The following NECTIN3 variants were observed in gnomAD, a reference collection of about 807,000 sequenced individuals.
The protein encoded by NECTIN3 is nectin cell adhesion molecule 3.
NECTIN3 carries 8 observed loss-of-function variants against 49.4 expected under a neutral mutation model. The ratio of observed to expected loss-of-function variants is 0.16; its 90% CI spans 0.10 to 0.29. The LOEUF (loss-of-function observed/expected upper bound fraction) is 0.29, where lower values mean the gene tolerates loss of function less well. Ranked by LOEUF, NECTIN3 falls within the 10% of genes least tolerant of loss-of-function variation. The pLI is 1.00. For missense variants in NECTIN3, 581 were observed against 654.6 expected, an observed-to-expected ratio of 0.89 and a Z score of 1.23; for synonymous variants, 277 against 241.1, an observed-to-expected ratio of 1.15 and a Z score of -1.38.
At chr3:111,077,163 GA>G (rs1461820428) in intron 1 of NECTIN3, 1 of 427,882 alleles carries the variant, frequency 2.3e-6, no homozygotes, top group African/African-American at 2.0e-5. Context: ...TTTATATTTT[GA>G]ATTTTACTTG....
intron 7 of NECTIN3, among the ~76,000 whole-genome samples, chr3:111,165,534 AAGG>A (rs1405930279): frequency 6.6e-6 from 1 of 152,200 alleles, no homozygotes; most frequent in Non-Finnish European, 1.5e-5. Context: ...AAGGAAATGT[AAGG>A]AGAAGATTGA....
In NECTIN3 at chr3:111,193,386, TC is replaced by T. The variant is rs373765709; in HGVS notation, c.63+974del. ...ACGAGAACATTATGTGTGATTTTTC[TC>T]TTTTTCCAATGGGCGTTCTAACAAA... On this transcript the variant is annotated intron_variant, in intron 1 of 1. Coordinates refer to the NECTIN3 transcript ENST00000485506. 1,023 of 1,530,630 alleles carry T rather than the reference TC, an allele frequency of 6.7e-4. 5 individuals carry two copies. In the African/African-American group the frequency reaches 0.011, roughly 17 times the overall value. The allele number at this position is 1,530,630 out of a possible 1,614,324, so 94.8% of individuals were successfully genotyped here.
chr3:111,113,233 G>A (rs574330001), intron 2 of NECTIN3, among the ~76,000 whole-genome samples: 22 of 152,252 alleles, frequency 1.4e-4, no homozygotes, highest in African/African-American at 5.1e-4. Flanking sequence ...ACAAGATAGT[G>A]GTGTGAAGAG....
chr3:111,135,596 A>G lies in NECTIN3; in HGVS notation c.*1381A>G, dbSNP rs975096114. The G allele has an allele frequency of 5.2e-6, 5 of 968,128 alleles. No individual in the cohort carries two copies. In the African/African-American group the frequency reaches 8.8e-5, roughly 17 times the overall value. 60.0% of individuals were successfully genotyped at this position (968,128 alleles called of 1,614,324 possible). A position where few individuals can be genotyped will look rare whatever the true frequency, so the allele number is the denominator to read the frequency against. ...TGCTAAGTCATTTGAAAAAGTGACCATTTTGCCAGTGAAATGAAGTGGAAG... is the reference window on the plus strand; with the variant it reads ...TGCTAAGTCATTTGAAAAAGTGACCGTTTTGCCAGTGAAATGAAGTGGAAG... On this transcript the variant is annotated 3_prime_UTR_variant, in exon 6 of 6. Coordinates refer to ENST00000485303, the MANE Select transcript of NECTIN3 (RefSeq NM_015480.3).
chr3:111,139,515 C>T (rs2034687114), downstream of NECTIN3, among the ~76,000 whole-genome samples: 1 of 151,760 alleles, frequency 6.6e-6, no homozygotes, highest in Non-Finnish European at 1.5e-5. Flanking sequence ...GGCAAGATTA[C>T]ATCACACATA....
chr3:111,072,007 GA>G lies in NECTIN3; in HGVS notation c.-10del. 6.7e-7 allele frequency: 1 copy of G among 1,486,814 alleles called. No homozygotes were observed. The allele number at this position is 1,486,814 out of a possible 1,614,324, so 92.1% of individuals were successfully genotyped here. The stretch of plus-strand genomic sequence containing the variant: ...GGCGGGCGGGCGAGCGGGCCGGGGG[GA>G]GGGTGGGGGATGGCGCGGACCCTGC... On this transcript the variant is annotated 5_prime_UTR_variant, in exon 1 of 6. Coordinates refer to ENST00000485303, the MANE Select transcript of NECTIN3 (RefSeq NM_015480.3).
chr3:111,131,084 C>A (rs937782670), intron 5 of NECTIN3, among the ~76,000 whole-genome samples: 4 of 151,876 alleles, frequency 2.6e-5, no homozygotes, highest in Admixed American at 6.6e-5. Flanking sequence ...TATTTAAACA[C>A]CTATATGAAG....
At chr3:111,092,059 C>T (rs2032303120) in intron 1 of NECTIN3, among the ~76,000 whole-genome samples, 1 of 152,126 alleles carries the variant, frequency 6.6e-6, no homozygotes, top group Non-Finnish European at 1.5e-5. Context: ...AGCAAATTTT[C>T]ATTTGCTTAT....
chr3:111,087,945 T>G (rs555002906), intron 1 of NECTIN3, among the ~76,000 whole-genome samples: 340 of 152,074 alleles, frequency 2.2e-3, no homozygotes, highest in African/African-American at 7.6e-3. Context: ...CAATCTACCC[T>G]CCTCAGCCTC....
chr3:111,139,101 T>A (rs566003426), downstream of NECTIN3, among the ~76,000 whole-genome samples: 77 of 151,812 alleles, frequency 5.1e-4, no homozygotes, highest in Non-Finnish European at 7.7e-4. Flanking sequence ...CCTACCTACA[T>A]AATCCTTCTT....
intron 1 of NECTIN3, among the ~76,000 whole-genome samples, chr3:111,102,336 C>G (rs1444309018): frequency 6.6e-6 from 1 of 152,192 alleles, no homozygotes. Context: ...ACCTCAGTTG[C>G]AATAGTTCTT....
intron 1 of NECTIN3, among the ~76,000 whole-genome samples, chr3:111,100,800 GA>G (rs1422210810): frequency 6.6e-6 from 1 of 151,968 alleles, no homozygotes; most frequent in East Asian, 1.9e-4. Flanking sequence ...AGTGGGAATG[GA>G]AAGAGTAGAA....
At chr3:111,147,985 G>T (rs770599487) in intron 7 of NECTIN3, among the ~76,000 whole-genome samples, 4 of 152,094 alleles carry the variant, frequency 2.6e-5, no homozygotes, top group Non-Finnish European at 5.9e-5. Flanking sequence ...TCTATACCTG[G>T]ATTAATGTGC....
chr3:111,143,335 A>G lies in NECTIN3; in HGVS notation c.1001-1564A>G, dbSNP rs116859488. On this transcript the variant is annotated intron_variant, in intron 5 of 8. Transcript: ENST00000493615. The stretch of plus-strand genomic sequence containing the variant: ...ACAGAGTTATAATGTTTCAGAATCT[A>G]TTCATTGGAAACGTTATTGAAATGA... Among the ~76,000 whole-genome samples, 58 of 152,018 alleles carry G rather than the reference A, an allele frequency of 3.8e-4. No individual in the cohort carries two copies. In the East Asian group the frequency reaches 0.011, roughly 28 times the overall value.
At chr3:111,085,826 A>G (rs2031890467) in intron 1 of NECTIN3, among the ~76,000 whole-genome samples, 1 of 152,092 alleles carries the variant, frequency 6.6e-6, no homozygotes, top group African/African-American at 2.4e-5. Flanking sequence ...TACTGCTGTG[A>G]ACATCATCGT....
At position 111,137,164 on chromosome 3, in the gene NECTIN3, A is replaced by T. The variant is rs1576153736; in HGVS notation, c.*2949A>T. 2 of 951,950 alleles carry T rather than the reference A, an allele frequency of 2.1e-6. No homozygotes were observed. Among genetic ancestry groups the T allele is most frequent in the East Asian group, 2.3e-4 (2 of 8,638 alleles). The allele number at this position is 951,950 out of a possible 1,614,324, so 59.0% of individuals were successfully genotyped here. A position where few individuals can be genotyped will look rare whatever the true frequency, so the allele number is the denominator to read the frequency against. On this transcript the variant is annotated 3_prime_UTR_variant, in exon 6 of 6. Transcript: ENST00000485303. ...TGAAAACATCTGATTTGAGTTTTTG[A>T]TAAATACTGCTAAAACACAGTATAT...
chr3:111,094,926 G>T (rs1458786783), intron 1 of NECTIN3, among the ~76,000 whole-genome samples: 1 of 152,154 alleles, frequency 6.6e-6, no homozygotes, highest in African/African-American at 2.4e-5. Context: ...GTTCACCAAT[G>T]CCAGTTAAGG....
chr3:111,080,670 ATG>A (rs1456200270), intron 1 of NECTIN3, among the ~76,000 whole-genome samples: 2 of 90,594 alleles, frequency 2.2e-5, no homozygotes, highest in Non-Finnish European at 5.2e-5. Context: ...TAATCTATAT[ATG>A]TCATGCAAAA....
At chr3:111,111,321 ATT>A (rs1310786986) in intron 1 of NECTIN3, among the ~76,000 whole-genome samples, 1 of 151,910 alleles carries the variant, frequency 6.6e-6, no homozygotes, top group African/African-American at 2.4e-5. Context: ...TGCTTGTGAA[ATT>A]TTTTTTCTTA....
Sources: gnomAD v4.1 joint callset for allele counts (sites outside exome capture counted in the v4.1 genomes callset) on GRCh38, gnomAD v4.1.1 for gene constraint, MANE v1.5 for transcripts, NCBI Gene and HGNC (gene_info 2026-07-23, HGNC 2026-07-21) for gene names.